HNF4G: variants seen among roughly 807,000 people sequenced by gnomAD.
The protein encoded by HNF4G is hepatocyte nuclear factor 4 gamma, also known as hepatocyte nuclear factor 4-gamma.
Under a neutral mutation model 50.9 loss-of-function variants are expected in HNF4G, and 21 were observed. The ratio of observed to expected loss-of-function variants is 0.41; its 90% CI spans 0.29 to 0.59. The LOEUF (loss-of-function observed/expected upper bound fraction) is 0.59, where lower values mean the gene tolerates loss of function less well. HNF4G is among the 20% of genes least tolerant of loss of function. HNF4G has a pLI of 0.26. For missense variants in HNF4G, 527 were observed against 559.4 expected (o/e 0.94, Z 0.58); for synonymous variants, 198 against 185.6 (o/e 1.07, Z -0.54).
intron 1 of HNF4G, among the ~76,000 whole-genome samples, chr8:75,477,967 A>C (rs1375195501): frequency 6.6e-6 from 1 of 151,788 alleles, no homozygotes; most frequent in Non-Finnish European, 1.5e-5. Flanking sequence ...AACTCCGTTC[A>C]AAAAAAGAAA....
At chr8:75,417,226 T>A (rs76472107) in intron 1 of HNF4G, among the ~76,000 whole-genome samples, 2,283 of 152,316 alleles carry the variant, frequency 0.015, 28 homozygotes, top group Middle Eastern at 0.034. Context: ...AGTGGTATGA[T>A]TATAGCTCAC....
At chr8:75,459,916 A>G (rs1811805264) in intron 1 of HNF4G, among the ~76,000 whole-genome samples, 1 of 152,180 alleles carries the variant, frequency 6.6e-6, no homozygotes, top group Admixed American at 6.6e-5. Context: ...CCATGGAATT[A>G]CATATTAAAT....
At chr8:75,427,544 G>A (rs141003205) in intron 1 of HNF4G, among the ~76,000 whole-genome samples, 3 of 151,650 alleles carry the variant, frequency 2.0e-5, no homozygotes, top group African/African-American at 7.3e-5. Context: ...ACCACTGCAC[G>A]CCAACCTGGG....
chr8:75,492,865 C>T (rs916931470), intron 2 of HNF4G, among the ~76,000 whole-genome samples: 1 of 152,138 alleles, frequency 6.6e-6, no homozygotes, highest in Non-Finnish European at 1.5e-5. Flanking sequence ...AAAAACTTCT[C>T]ATCCAAGCAC....
chr8:75,545,659 G>A (rs1360578018), intron 2 of HNF4G, among the ~76,000 whole-genome samples: 2 of 151,980 alleles, frequency 1.3e-5, no homozygotes, highest in Non-Finnish European at 2.9e-5. Flanking sequence ...ATCAAACTGA[G>A]GTTGGGATTT....
chr8:75,543,726 G>A (rs774841186), intron 1 of HNF4G, 85 bp from the exon 2 acceptor site: 2 of 1,182,824 alleles, frequency 1.7e-6, no homozygotes, highest in Non-Finnish European at 1.2e-6. Flanking sequence ...TGAATGGAGT[G>A]TTATGAGCCT....
At chr8:75,410,035 T>C (rs556126953) in intron 1 of HNF4G, among the ~76,000 whole-genome samples, 1 of 152,354 alleles carries the variant, frequency 6.6e-6, no homozygotes, top group African/African-American at 2.4e-5. Flanking sequence ...TATTTTTCTT[T>C]AATATTTTTC....
intron 1 of HNF4G, among the ~76,000 whole-genome samples, chr8:75,435,394 G>A (rs1372634312): frequency 1.3e-5 from 2 of 152,042 alleles, no homozygotes; most frequent in South Asian, 2.1e-4. Context: ...AAAAATACAA[G>A]AGACTATCTT....
Position 75,543,962 on chromosome 8 carries a change from T to C in HNF4G, c.270T>C (p.Ser90=). ...KGFFRRSIRK[S]HVYSCRFSRQ... ...TCTTCAGACGCAGCATTCGTAAGAG[T>C]CACGTTTATTCTTGCAGGTACTTTA... Residue 90 remains serine (S), a synonymous_variant, in exon 2 of 10, where the codon AGT becomes AGC. Coordinates refer to ENST00000396423, the MANE Select transcript of HNF4G (RefSeq NM_004133.5). The C allele has an allele frequency of 6.3e-7, 1 of 1,586,422 alleles. No individual in the cohort carries two copies. Among genetic ancestry groups the C allele is most frequent in the Non-Finnish European group, 8.6e-7 (1 of 1,164,044 alleles).
At position 75,560,492 on chromosome 8, in the gene HNF4G, C is replaced by CTTACTTTTCAATT. The variant is rs771468440; in HGVS notation, c.1246+26_1246+27insTTACTTTTCAATT. On this transcript the variant is annotated intron_variant, in intron 9 of 9. Transcript: ENST00000396423. ...GTAAGTTTATAGACTACTTTTCAAC[C>CTTACTTTTCAATT]AAGATATTTCTTAATTACCCAAGAA... is the stretch of plus-strand genomic sequence containing the variant. 6 of 1,586,978 alleles carry CTTACTTTTCAATT rather than the reference C, an allele frequency of 3.8e-6. No homozygotes were observed. The South Asian group carries it at 6.9e-5, about 18-fold the overall frequency.
Position 75,564,167 on chromosome 8 carries a change from C to G in HNF4G, c.*71C>G. ...TTGATCTTGAAATATCTCAGGATAG[C>G]ACTTTTGGCAAACTCTTAGCCAAGG... On this transcript the variant is annotated 3_prime_UTR_variant, in exon 10 of 10. Coordinates refer to ENST00000396423, the MANE Select transcript of HNF4G (RefSeq NM_004133.5). 6.6e-7 allele frequency: 1 copy of G among 1,512,304 alleles called. No homozygotes were observed. The highest frequency in any genetic ancestry group is 9.0e-7 in the Non-Finnish European group (1 of 1,105,140). 93.7% of individuals were successfully genotyped at this position (1,512,304 alleles called of 1,614,324 possible).
Position 75,498,824 on chromosome 8 carries a change from G to A in HNF4G, c.-24+8616G>A, listed in dbSNP as rs546635952. Reference sequence around the variant, plus strand: ...GATCATCTCAGTAGAAACAGAAAAAGCATTTTACAAAATACAACACACTTT... The same window carrying A: ...GATCATCTCAGTAGAAACAGAAAAAACATTTTACAAAATACAACACACTTT... On this transcript the variant is annotated intron_variant, in intron 2 of 10. Coordinates refer to the HNF4G transcript ENST00000354370. Among the ~76,000 whole-genome samples, 7 of 151,974 alleles carry A rather than the reference G, an allele frequency of 4.6e-5. No individual in the cohort carries two copies. The East Asian group carries it at 1.4e-3, about 29-fold the overall frequency.
intron 1 of HNF4G, among the ~76,000 whole-genome samples, chr8:75,466,010 A>T (rs1228514410): frequency 6.6e-6 from 1 of 152,154 alleles, no homozygotes; most frequent in Admixed American, 6.5e-5. Context: ...TATGTATGAA[A>T]ATTAGGAAAA....
chr8:75,444,207 C>G (rs901154956), intron 1 of HNF4G, among the ~76,000 whole-genome samples: 1 of 151,454 alleles, frequency 6.6e-6, no homozygotes, highest in Non-Finnish European at 1.5e-5. Flanking sequence ...GAAATAAAAT[C>G]CTTTACAGAC....
intron 1 of HNF4G, among the ~76,000 whole-genome samples, chr8:75,433,537 T>C (rs751885847): frequency 6.6e-6 from 1 of 152,016 alleles, no homozygotes; most frequent in Non-Finnish European, 1.5e-5. Flanking sequence ...GATTTTTAAA[T>C]GTTTTACTAT....
chr8:75,535,337 C>T (rs1409630303), upstream of HNF4G, among the ~76,000 whole-genome samples: 1 of 131,870 alleles, frequency 7.6e-6, no homozygotes, highest in African/African-American at 3.2e-5. Flanking sequence ...AGGACAGTGG[C>T]AGCAAGGAAA....
intron 1 of HNF4G, among the ~76,000 whole-genome samples, chr8:75,469,416 CTG>C (rs1306356224): frequency 6.6e-6 from 1 of 152,150 alleles, no homozygotes; most frequent in Non-Finnish European, 1.5e-5. Context: ...GTATATGAAT[CTG>C]AGGATTCTTG....
Position 75,551,484 on chromosome 8 carries a change from G to T in HNF4G, c.479G>T (p.Arg160Leu), listed in dbSNP as rs764244344. 1.5e-5 allele frequency: 24 copies of T among 1,594,326 alleles called. No homozygotes were observed. Among genetic ancestry groups the T allele is most frequent in the East Asian group, 2.2e-5 (1 of 44,748 alleles). Residue 160 changes from arginine (R) to leucine (L), a missense_variant, in exon 4 of 10, where the codon CGG becomes CTG. This residue lies in a region of HNF4G where 128 missense variants were observed against 135.3 expected (regional missense o/e 0.95). Coordinates refer to ENST00000396423, the MANE Select transcript of HNF4G (RefSeq NM_004133.5). ...AACACACTGGCACAAGCTGAAGTTC[G>T]GTCTCGCCAGGTACCTGTGGCACGG... Reference protein sequence around the residue: ...SINTLAQAEVRSRQISVSSPG... With the variant: ...SINTLAQAEVLSRQISVSSPG...
At chr8:75,525,724 C>T (rs1419960684) in intron 2 of HNF4G, among the ~76,000 whole-genome samples, 1 of 152,132 alleles carries the variant, frequency 6.6e-6, no homozygotes, top group Non-Finnish European at 1.5e-5. Flanking sequence ...AAGGGTTATT[C>T]AACCAATTAA....
Sources: gnomAD v4.1 joint callset for allele counts (sites outside exome capture counted in the v4.1 genomes callset) on GRCh38, gnomAD v4.1.1 for gene constraint, gnomAD v4.1.1 regional missense constraint, MANE v1.5 for transcripts, NCBI Gene and HGNC (gene_info 2026-07-23, HGNC 2026-07-21) for gene names.